MAP3K7CL: variants seen among roughly 807,000 people sequenced by gnomAD.
The protein encoded by MAP3K7CL is MAP3K7 C-terminal like.
In MAP3K7CL, 16 loss-of-function variants were observed where a neutral mutation model predicts 18.6. That is an observed-to-expected ratio of 0.86 (90% CI 0.58 to 1.31). MAP3K7CL has a LOEUF of 1.31. Among genes scored for constraint, MAP3K7CL ranks in the 50% most tolerant of loss-of-function variants. MAP3K7CL has a pLI of 0.00. For missense variants in MAP3K7CL, 163 were observed against 174.4 expected, an observed-to-expected ratio of 0.93 and a Z score of 0.37; for synonymous variants, 65 against 66.8, an observed-to-expected ratio of 0.97 and a Z score of 0.13.
chr21:29,138,786 TG>T (rs2086939086), intron 2 of MAP3K7CL, among the ~76,000 whole-genome samples: 1 of 152,088 alleles, frequency 6.6e-6, no homozygotes, highest in African/African-American at 2.4e-5. Context: ...AAGACCAGCC[TG>T]GGCAACATAA....
chr21:29,155,741 G>A (rs1366564279), intron 3 of MAP3K7CL, among the ~76,000 whole-genome samples: 1 of 152,186 alleles, frequency 6.6e-6, no homozygotes, highest in Non-Finnish European at 1.5e-5. Context: ...ATCCTCAGGC[G>A]GCAGCGGGAG....
chr21:29,161,170 T>A (rs1229022442), intron 4 of MAP3K7CL, among the ~76,000 whole-genome samples: 2 of 151,964 alleles, frequency 1.3e-5, no homozygotes, highest in African/African-American at 4.8e-5. Context: ...ATTAGCCGGG[T>A]GTGGTGGCGG....
intron 4 of MAP3K7CL, among the ~76,000 whole-genome samples, chr21:29,093,407 C>A (rs1175705222): frequency 6.6e-6 from 1 of 152,096 alleles, no homozygotes; most frequent in Non-Finnish European, 1.5e-5. Context: ...TAGAAATAAC[C>A]CCTCCATAGC....
intron 1 of MAP3K7CL, chr21:29,131,302 G>A (rs930394031): frequency 6.6e-6 from 1 of 152,178 alleles, no homozygotes; most frequent in Admixed American, 6.5e-5. Flanking sequence ...GGGGGATTTA[G>A]CCAAAAGAGG....
chr21:29,138,012 C>T (rs1220597311), intron 2 of MAP3K7CL, among the ~76,000 whole-genome samples: 1 of 152,084 alleles, frequency 6.6e-6, no homozygotes, highest in Non-Finnish European at 1.5e-5. Context: ...ATTCAGGGTC[C>T]ATTTTGAAAG....
At chr21:29,105,839 G>A (rs2086311850) in intron 4 of MAP3K7CL, among the ~76,000 whole-genome samples, 1 of 152,198 alleles carries the variant, frequency 6.6e-6, no homozygotes, top group South Asian at 2.1e-4. Context: ...AAATGCATAT[G>A]ATCCTGTACT....
chr21:29,122,220 G>A (rs1403649959), intron 4 of MAP3K7CL: 1 of 152,258 alleles, frequency 6.6e-6, no homozygotes, highest in Non-Finnish European at 1.5e-5. Context: ...GCAGGTAAGT[G>A]GGTGCGGGGG....
At chr21:29,092,304 C>CT in intron 3 of MAP3K7CL, 2 of 1,042,670 alleles carry the variant, frequency 1.9e-6, no homozygotes, top group Non-Finnish European at 2.8e-6. Flanking sequence ...CAGATTTAAA[C>CT]CATTAACAAC....
At chr21:29,149,355 A>G in intron 3 of MAP3K7CL, 105 bp downstream of exon 3, 1 of 977,938 alleles carries the variant, frequency 1.0e-6, no homozygotes, top group African/African-American at 1.6e-5. Flanking sequence ...TGGACCCAGA[A>G]TGTGGGGCTT....
intron 4 of MAP3K7CL, among the ~76,000 whole-genome samples, chr21:29,121,727 A>G (rs922419660): frequency 1.3e-5 from 2 of 151,654 alleles, no homozygotes; most frequent in African/African-American, 2.4e-5. Context: ...TGACCTTAAC[A>G]TTGAAGCTTA....
chr21:29,129,098 G>A (rs535772155), upstream of MAP3K7CL, among the ~76,000 whole-genome samples: 32 of 152,268 alleles, frequency 2.1e-4, no homozygotes, highest in African/African-American at 7.2e-4. Context: ...GGAGTAAAAT[G>A]TATGGAATTC....
intron 4 of MAP3K7CL, among the ~76,000 whole-genome samples, chr21:29,117,671 C>G (rs1248729339): frequency 6.6e-6 from 1 of 152,238 alleles, no homozygotes; most frequent in African/African-American, 2.4e-5. Context: ...CTGGGTGATT[C>G]TAATCTACTA....
intron 4 of MAP3K7CL, among the ~76,000 whole-genome samples, chr21:29,107,671 G>A (rs573696457): frequency 8.5e-5 from 13 of 152,182 alleles, no homozygotes; most frequent in African/African-American, 1.9e-4. Flanking sequence ...GACCATGAGC[G>A]AATAAAGTTA....
Position 29,153,774 on chromosome 21 carries a change from CT to C in MAP3K7CL, c.132+4527del, listed in dbSNP as rs372176097. 4.9e-3 allele frequency among the ~76,000 whole-genome samples: 743 copies of C among 152,238 alleles called. 7 individuals are homozygous for C. The highest frequency in any genetic ancestry group is 0.017 in the African/African-American group (710 of 41,540). ...ATTACTTTTCTTCAGGTCTCAGCTT[CT>C]TTCTGTTTGACTTGTCTCTCTCTGT... On this transcript the variant is annotated intron_variant, in intron 3 of 4. Coordinates refer to ENST00000399928, the MANE Select transcript of MAP3K7CL (RefSeq NM_001286620.2).
chr21:29,155,846 T>A (rs2087391308), intron 3 of MAP3K7CL, among the ~76,000 whole-genome samples: 2 of 152,160 alleles, frequency 1.3e-5, no homozygotes, highest in Admixed American at 6.5e-5. Context: ...GAAACATGTG[T>A]TTCAAAGTTG....
At chr21:29,103,248 A>C (rs537651316) in intron 4 of MAP3K7CL, among the ~76,000 whole-genome samples, 1 of 152,178 alleles carries the variant, frequency 6.6e-6, no homozygotes, top group Non-Finnish European at 1.5e-5. Context: ...GATAGCAACT[A>C]TGTGACCCAC....
At chr21:29,109,504 G>A in intron 4 of MAP3K7CL, 1 of 1,096,100 alleles carries the variant, frequency 9.1e-7, no homozygotes, top group Non-Finnish European at 1.1e-6. Flanking sequence ...TGTTGGCAGA[G>A]ATACAGGAAT....
intron 3 of MAP3K7CL, among the ~76,000 whole-genome samples, chr21:29,155,598 T>C (rs1424034894): frequency 1.3e-5 from 2 of 152,202 alleles, no homozygotes. Flanking sequence ...GCCGGCATTC[T>C]TGGAACCGGA....
chr21:29,097,447 C>CA (rs1167480845), intron 4 of MAP3K7CL, among the ~76,000 whole-genome samples: 1 of 152,012 alleles, frequency 6.6e-6, no homozygotes, highest in Non-Finnish European at 1.5e-5. Flanking sequence ...GGAGGTAGAA[C>CA]AAAATTAAAA....
Sources: allele counts gnomAD v4.1 joint callset (sites outside exome capture counted in the v4.1 genomes callset), GRCh38; gene constraint gnomAD v4.1.1; transcripts MANE v1.5; gene names NCBI Gene and HGNC (gene_info 2026-07-23, HGNC 2026-07-21).